The following CRKL variants were observed in gnomAD, a reference collection of about 807,000 sequenced individuals.
The protein encoded by CRKL is crk-like protein.
In CRKL, 3 loss-of-function variants were observed where a neutral mutation model predicts 23.0. The observed-to-expected ratio is 0.13, with a 90% CI of 0.06 to 0.34. The LOEUF (loss-of-function observed/expected upper bound fraction) is 0.34. Ranked by LOEUF, CRKL falls within the 10% of genes least tolerant of loss-of-function variation. CRKL has a pLI of 1.00. For missense variants in CRKL, 256 were observed against 394.5 expected, an observed-to-expected ratio of 0.65 and a Z score of 2.97; for synonymous variants, 188 against 160.7, an observed-to-expected ratio of 1.17 and a Z score of -1.28.
rs180747338 is a variant in CRKL at position 20,936,405 on chromosome 22, A to G, written c.777+2161A>G. Among the ~76,000 whole-genome samples, 11 of 151,612 alleles carry G rather than the reference A, an allele frequency of 7.3e-5. No individual in the cohort carries two copies. The East Asian group carries it at 1.6e-3, about 22-fold the overall frequency. On this transcript the variant is annotated intron_variant, in intron 2 of 2. Transcript: ENST00000354336. ...CTCTTGTTGCCCAGGCTGGAGTGCA[A>G]TGGCACGATCTCGGTTCACTGCAAC... is the stretch of plus-strand genomic sequence containing the variant.
chr22:20,949,136 GTT>G (rs34732396), intron 2 of CRKL, among the ~76,000 whole-genome samples: 1 of 151,892 alleles, frequency 6.6e-6, no homozygotes, highest in Non-Finnish European at 1.5e-5. Context: ...TTTGATTTTT[GTT>G]TTTTTGAGAC....
intron 1 of CRKL, among the ~76,000 whole-genome samples, chr22:20,921,853 C>T (rs925126528): frequency 2.7e-5 from 4 of 150,498 alleles, no homozygotes; most frequent in African/African-American, 9.8e-5. Flanking sequence ...GGACTACAGG[C>T]GCCTGCAACC....
At chr22:20,930,773 C>T (rs866211106) in intron 1 of CRKL, among the ~76,000 whole-genome samples, 18 of 135,794 alleles carry the variant, frequency 1.3e-4, no homozygotes, top group Non-Finnish European at 1.1e-4. Flanking sequence ...CTCCGCCTCC[C>T]GGGTTTACAC....
At chr22:20,918,714 C>G (rs1028755788) in intron 1 of CRKL, among the ~76,000 whole-genome samples, 12 of 151,954 alleles carry the variant, frequency 7.9e-5, no homozygotes, top group African/African-American at 2.7e-4. Flanking sequence ...GCCTTAGCCT[C>G]CCGAGTAGCT....
chr22:20,919,469 G>A (rs1338047697), intron 1 of CRKL, among the ~76,000 whole-genome samples: 1 of 152,172 alleles, frequency 6.6e-6, no homozygotes, highest in Non-Finnish European at 1.5e-5. Flanking sequence ...AACGCAAAGT[G>A]ACCAAGCATT....
chr22:20,941,538 ATGTGTGTGTGTGTGTGTGTGTG>A (rs1187984983), intron 2 of CRKL, among the ~76,000 whole-genome samples: 1 of 50,434 alleles, frequency 2.0e-5, no homozygotes, highest in African/African-American at 7.5e-5. Flanking sequence ...TATATATTTT[ATGTGTGTGTGTGTGTGTGTGTG>A]TGTGTGTGTG....
rs532930393 is a variant in CRKL, at chr22:20,927,192, A to ATTTTTTTTTTT, written c.312-6579_312-6569dup. On this transcript the variant is annotated intron_variant, in intron 1 of 2. Coordinates refer to ENST00000354336, the MANE Select transcript of CRKL (RefSeq NM_005207.4). ...AGTACTTAGCTCATCTTGGAATTGA[A>ATTTTTTTTTTT]TTTTTTTTTTTTTTTTTTGAGACAG... Among the ~76,000 whole-genome samples, 62 of 81,966 alleles carry ATTTTTTTTTTT rather than the reference A, an allele frequency of 7.6e-4. 8 individuals carry two copies. The highest frequency in any genetic ancestry group is 2.8e-3 in the African/African-American group (47 of 16,966). 53.8% of individuals were successfully genotyped at this position (81,966 alleles called of 152,430 possible). A position where few individuals can be genotyped will look rare whatever the true frequency, so the allele number is the denominator to read the frequency against.
Position 20,934,074 on chromosome 22 carries a change from C to G in CRKL, c.607C>G (p.Pro203Ala), listed in dbSNP as rs200629140. The change falls in exon 2 of 3, where the codon CCT becomes GCT. Residue 203 changes from proline (P) to alanine (A), a missense_variant. Physicochemically the swap from Pro to Ala is conservative, Grantham distance 27 (BLOSUM62 -1). Coordinates refer to ENST00000354336, the MANE Select transcript of CRKL (RefSeq NM_005207.4). Reference protein sequence around the residue: ...RNSNSYGIPEPAHAYAQPQTT... With the variant: ...RNSNSYGIPEAAHAYAQPQTT... ...TTCCAACAGTTATGGGATCCCAGAA[C>G]CTGCTCATGCATACGCTCAACCTCA... is the stretch of plus-strand genomic sequence containing the variant. 1.2e-6 allele frequency: 2 copies of G among 1,614,174 alleles called. No homozygotes were observed. The highest frequency in any genetic ancestry group is 4.5e-5 in the East Asian group (2 of 44,876).
In CRKL at chr22:20,934,001, C is replaced by G. The variant is rs752182830; in HGVS notation, c.534C>G (p.Val178=). ...TTGGGATGATTCCTGTCCCTTATGT[C>G]GAAAAGCTTGTGAGATCCTCACCAC... ...GRVGMIPVPY[V]EKLVRSSPHG... is the part of the protein sequence containing the mutation. The change falls in exon 2 of 3, where the codon GTC becomes GTG. Residue 178 remains valine, a synonymous_variant. Coordinates refer to ENST00000354336, the MANE Select transcript of CRKL (RefSeq NM_005207.4). The G allele has an allele frequency of 1.2e-6, 2 of 1,614,112 alleles. No individual in the cohort carries two copies. The highest frequency in any genetic ancestry group is 1.1e-5 in the South Asian group (1 of 91,076).
intron 2 of CRKL, among the ~76,000 whole-genome samples, chr22:20,943,227 TG>T (rs1256479450): frequency 4.6e-5 from 7 of 152,268 alleles, no homozygotes; most frequent in Non-Finnish European, 8.8e-5. Flanking sequence ...TGAGCGTTTT[TG>T]TTTTTTATTT....
intron 1 of CRKL, among the ~76,000 whole-genome samples, chr22:20,928,120 A>G (rs1921298693): frequency 1.3e-5 from 2 of 152,038 alleles, no homozygotes; most frequent in Non-Finnish European, 2.9e-5. Context: ...TCACACCACT[A>G]CACTCCAGCC....
intron 2 of CRKL, among the ~76,000 whole-genome samples, chr22:20,943,004 C>T (rs749911163): frequency 5.9e-5 from 9 of 151,696 alleles, no homozygotes; most frequent in African/African-American, 1.5e-4. Flanking sequence ...CCTTCTTCAC[C>T]GCCAAAAAAA....
intron 2 of CRKL, among the ~76,000 whole-genome samples, chr22:20,949,006 A>T (rs989469919): frequency 9.9e-5 from 15 of 152,168 alleles, no homozygotes; most frequent in African/African-American, 3.6e-4. Flanking sequence ...ATTTGACTTT[A>T]ACCATTCTCA....
intron 2 of CRKL, among the ~76,000 whole-genome samples, chr22:20,943,315 C>T (rs1307928590): frequency 1.3e-5 from 2 of 152,102 alleles, no homozygotes; most frequent in Non-Finnish European, 2.9e-5. Context: ...TCTCGACTCA[C>T]TGCAACTTCT....
chr22:20,923,914 C>G (rs568669604), intron 1 of CRKL, among the ~76,000 whole-genome samples: 1 of 149,834 alleles, frequency 6.7e-6, no homozygotes, highest in South Asian at 2.3e-4. Context: ...TGGCTGTGCT[C>G]GGTGGCTCGT....
At position 20,953,323 on chromosome 22, in the gene CRKL, T is replaced by C; in HGVS notation, c.*3478T>C. ...CGGTGTGGACGCTGTGCTGGTTCTGTTTTCTAAAGGAGCAGAAGGACAGGT... is the reference window on the plus strand; with the variant it reads ...CGGTGTGGACGCTGTGCTGGTTCTGCTTTCTAAAGGAGCAGAAGGACAGGT... On this transcript the variant is annotated 3_prime_UTR_variant, in exon 3 of 3. Transcript: ENST00000354336. 4.3e-6 allele frequency: 1 copy of C among 230,824 alleles called. No homozygotes were observed. Among genetic ancestry groups the C allele is most frequent in the Non-Finnish European group, 8.6e-6 (1 of 116,450 alleles). The allele number at this position is 230,824 out of a possible 1,614,324, so 14.3% of individuals were successfully genotyped here.
intron 1 of CRKL, among the ~76,000 whole-genome samples, chr22:20,925,173 C>T (rs1172091935): frequency 2.5e-5 from 3 of 118,306 alleles, no homozygotes; most frequent in Non-Finnish European, 4.9e-5. Flanking sequence ...GCCAACAGAG[C>T]GAGACTCCGT....
chr22:20,921,602 C>G (rs1318572092), intron 1 of CRKL, among the ~76,000 whole-genome samples: 1 of 152,096 alleles, frequency 6.6e-6, no homozygotes, highest in Non-Finnish European at 1.5e-5. Context: ...CTAGGCAAGG[C>G]TTGGCCTGAG....
intron 1 of CRKL, among the ~76,000 whole-genome samples, chr22:20,920,458 C>T (rs1162164643): frequency 1.3e-5 from 2 of 151,246 alleles, no homozygotes; most frequent in South Asian, 2.1e-4. Flanking sequence ...GCCGAGATCG[C>T]GCCACTGCAC....
Sources: allele counts gnomAD v4.1 joint callset (sites outside exome capture counted in the v4.1 genomes callset), GRCh38; gene constraint gnomAD v4.1.1; transcripts MANE v1.5; gene names NCBI Gene and HGNC (gene_info 2026-07-23, HGNC 2026-07-21).